Variants in DNAH3 observed in about 807,000 individuals in gnomAD.
DNAH3 encodes axonemal beta dynein heavy chain 3.
DNAH3 carries 332 observed loss-of-function variants against 432.5 expected under a neutral mutation model. The ratio of observed to expected loss-of-function variants is 0.77; its 90% CI spans 0.70 to 0.84. DNAH3 has a LOEUF of 0.84. DNAH3 is among the 40% of genes least tolerant of loss of function. DNAH3 has a pLI of 0.00. For missense variants in DNAH3, 4,861 were observed against 5,114.0 expected (o/e 0.95, Z 1.51); for synonymous variants, 1,956 against 1,900.2 (o/e 1.03, Z -0.76).
chr16:21,157,212 A>T (rs2092904001), intron 1 of DNAH3, among the ~76,000 whole-genome samples: 1 of 152,128 alleles, frequency 6.6e-6, no homozygotes, highest in Admixed American at 6.5e-5. Context: ...CGTGATCATC[A>T]TCATAAATCA....
chr16:20,951,770 A>C (rs1457888965), intron 56 of DNAH3, among the ~76,000 whole-genome samples: 8 of 101,334 alleles, frequency 7.9e-5, no homozygotes, highest in Non-Finnish European at 1.1e-4. Flanking sequence ...TTTGAGATAG[A>C]GTCTCTGTCA....
chr16:20,938,542 G>C (rs1596861859), intron 59 of DNAH3, among the ~76,000 whole-genome samples: 1 of 151,978 alleles, frequency 6.6e-6, no homozygotes, highest in African/African-American at 2.4e-5. Context: ...GCAACTATGA[G>C]CTCTGCTAGT....
intron 41 of DNAH3, among the ~76,000 whole-genome samples, chr16:21,010,689 G>A (rs551509718): frequency 5.3e-5 from 8 of 152,054 alleles, no homozygotes; most frequent in South Asian, 4.2e-4. Flanking sequence ...TGGAGCACTC[G>A]GCATTAGAAT....
chr16:20,985,395 G>T, exon 48 of DNAH3: 1 of 1,614,146 alleles, frequency 6.2e-7, no homozygotes, highest in South Asian at 1.1e-5. Context: ...ATGCGTTCAT[G>T]AATGTGGACA....
intron 46 of DNAH3, 87 bp from the exon 47 acceptor site, chr16:20,987,535 T>C: frequency 6.4e-7 from 1 of 1,567,108 alleles, no homozygotes; most frequent in Non-Finnish European, 8.7e-7. Context: ...CTGGGGTTGA[T>C]TTGAGGATTG....
At chr16:21,061,028 G>A (rs1416302759) in intron 25 of DNAH3, among the ~76,000 whole-genome samples, 3 of 151,306 alleles carry the variant, frequency 2.0e-5, no homozygotes, top group South Asian at 4.2e-4. Context: ...CTGTAGAGCC[G>A]TGGTCTCTCT....
At chr16:21,049,500 G>C (rs2089862905) in intron 31 of DNAH3, 69 bp downstream of exon 31, 1 of 1,212,436 alleles carries the variant, frequency 8.2e-7, no homozygotes, top group Admixed American at 1.8e-5. Context: ...GTTATTAAGG[G>C]GTGCAGAGCC....
At chr16:21,083,538 C>T (rs550800446) in intron 19 of DNAH3, among the ~76,000 whole-genome samples, 16 of 152,330 alleles carry the variant, frequency 1.1e-4, no homozygotes, top group African/African-American at 3.6e-4. Context: ...TTTGAAACCA[C>T]AGTAGCAACC....
At chr16:20,988,391 T>C (rs75219231) in intron 44 of DNAH3, among the ~76,000 whole-genome samples, 1 of 152,280 alleles carries the variant, frequency 6.6e-6, no homozygotes, top group African/African-American at 2.4e-5. Flanking sequence ...TTAGTGCTCA[T>C]TATTATATCA....
intron 18 of DNAH3, among the ~76,000 whole-genome samples, chr16:21,091,371 GA>G (rs35140450): frequency 0.081 from 11,853 of 146,042 alleles, 718 homozygotes; most frequent in East Asian, 0.19. Flanking sequence ...GTAAAAATTG[GA>G]AAAAAAAAAG....
chr16:20,952,075 A>G (rs2084340487), intron 56 of DNAH3, among the ~76,000 whole-genome samples: 1 of 151,862 alleles, frequency 6.6e-6, no homozygotes, highest in Non-Finnish European at 1.5e-5. Context: ...ATGGGGTTTC[A>G]ATATGTTGGT....
chr16:21,153,901 C>G lies in DNAH3; in HGVS notation c.117+5424G>C, dbSNP rs371056171. On this transcript the variant is annotated intron_variant, in intron 1 of 61. Coordinates refer to ENST00000261383, the Ensembl canonical transcript of DNAH3. ...CTCAAAGTTGGGCTTTCCATCCTTT[C>G]AAAATAACCCTGAGCTTTTCCATCT... Among the ~76,000 whole-genome samples the G allele has an allele frequency of 7.2e-5, 11 of 152,284 alleles. No individual in the cohort carries two copies. The East Asian group carries it at 1.7e-3, about 24-fold the overall frequency.
At chr16:20,974,142 C>A (rs1250777313) in intron 51 of DNAH3, among the ~76,000 whole-genome samples, 1 of 152,076 alleles carries the variant, frequency 6.6e-6, no homozygotes, top group Admixed American at 6.5e-5. Flanking sequence ...ACCTCAGTCT[C>A]CTGAGTAGCC....
At chr16:21,000,243 C>T (rs754302076) in exon 43 of DNAH3, 3 of 1,613,906 alleles carry the variant, frequency 1.9e-6, no homozygotes, top group Admixed American at 3.3e-5. Context: ...CCACTGCTTT[C>T]TTCCCTATGG....
At position 20,964,003 on chromosome 16, in the gene DNAH3, T is replaced by A. The variant is rs138753702; in HGVS notation, c.9881A>T (p.Tyr3294Phe). Residue 3294 changes from tyrosine (Y) to phenylalanine (F), a missense_variant, in exon 53 of 62, where the codon TAC (tyrosine) becomes TTC (phenylalanine). Transcript: ENST00000261383. ...GGCAGAATGCACAGCCACTGGCTTG[T>A]AGCCCATCCGAGTCTCGTCAATCTG... The A allele has an allele frequency of 4.8e-4, 776 of 1,614,218 alleles. 2 individuals carry two copies. In the Middle Eastern group the frequency reaches 4.9e-3, roughly 10 times the overall value.
At chr16:21,142,506 AT>A (rs1288615938) in intron 3 of DNAH3, among the ~76,000 whole-genome samples, 3 of 152,176 alleles carry the variant, frequency 2.0e-5, no homozygotes, top group African/African-American at 7.2e-5. Context: ...AAAAACCAAT[AT>A]CATTTGCAAT....
chr16:20,939,472 C>T (rs371567878), intron 59 of DNAH3, among the ~76,000 whole-genome samples: 26 of 152,056 alleles, frequency 1.7e-4, no homozygotes, highest in Admixed American at 1.5e-3. Flanking sequence ...ATTAGCTGGG[C>T]GTGGTGGCAG....
At chr16:21,067,757 T>TGGGGG (rs35833656) in intron 23 of DNAH3, among the ~76,000 whole-genome samples, 1 of 29,824 alleles carries the variant, frequency 3.4e-5, no homozygotes, top group Non-Finnish European at 5.7e-5. Flanking sequence ...AAGCCAGTCT[T>TGGGGG]GGGGGGGGGG....
intron 48 of DNAH3, among the ~76,000 whole-genome samples, chr16:20,984,029 G>GAAAAAAAAA (rs61475224): frequency 3.6e-5 from 4 of 112,146 alleles, no homozygotes; most frequent in South Asian, 3.0e-4. Flanking sequence ...CCTATATCCA[G>GAAAAAAAAA]AAAAAAAAAA....
Sources: gnomAD v4.1 joint callset for allele counts (sites outside exome capture counted in the v4.1 genomes callset) on GRCh38, gnomAD v4.1.1 for gene constraint, MANE v1.5 for transcripts, NCBI Gene and HGNC (gene_info 2026-07-23, HGNC 2026-07-21) for gene names.